NRXN3: variants seen among roughly 807,000 people sequenced by gnomAD.
The protein encoded by NRXN3 is neurexin 3, also known as neurexin III.
NRXN3 carries 32 observed loss-of-function variants against 137.6 expected under a neutral mutation model. The observed-to-expected ratio is 0.23, with a 90% CI of 0.18 to 0.31. The LOEUF (loss-of-function observed/expected upper bound fraction) is 0.31. NRXN3 is among the 10% of genes least tolerant of loss of function. NRXN3 has a pLI of 1.00. For missense variants in NRXN3, 1,574 were observed against 2,062.5 expected, an observed-to-expected ratio of 0.76 and a Z score of 4.59; for synonymous variants, 798 against 784.5, an observed-to-expected ratio of 1.02 and a Z score of -0.29.
chr14:78,766,403 T>C (rs1473426865), intron 8 of NRXN3, among the ~76,000 whole-genome samples: 3 of 152,198 alleles, frequency 2.0e-5, no homozygotes, highest in African/African-American at 7.2e-5. Context: ...CCAATTACAT[T>C]GCAAAAAATA....
At chr14:78,248,537 A>C (rs975669583) in intron 2 of NRXN3, among the ~76,000 whole-genome samples, 1 of 151,872 alleles carries the variant, frequency 6.6e-6, no homozygotes, top group Non-Finnish European at 1.5e-5. Flanking sequence ...GCATTTACTG[A>C]GGTCCAGAGA....
intron 4 of NRXN3, among the ~76,000 whole-genome samples, chr14:78,540,549 A>T (rs925153496): frequency 1.3e-5 from 2 of 150,886 alleles, no homozygotes; most frequent in Admixed American, 1.3e-4. Context: ...CAGCACACTG[A>T]TGGATCTTGA....
intron 10 of NRXN3, among the ~76,000 whole-genome samples, chr14:78,814,957 A>G (rs907080438): frequency 2.6e-5 from 4 of 152,222 alleles, no homozygotes; most frequent in Admixed American, 2.6e-4. Flanking sequence ...CAGTAAACAC[A>G]TATTAATGAA....
At chr14:79,142,674 A>T (rs73324798) in intron 15 of NRXN3, among the ~76,000 whole-genome samples, 6,729 of 152,216 alleles carry the variant, frequency 0.044, 538 homozygotes, top group African/African-American at 0.15. Context: ...CCATGACCAG[A>T]TGTATGACTT....
chr14:79,634,482 T>C (rs1161106892), intron 16 of NRXN3, among the ~76,000 whole-genome samples: 1 of 152,200 alleles, frequency 6.6e-6, no homozygotes, highest in Non-Finnish European at 1.5e-5. Flanking sequence ...GTCCTTTTTG[T>C]TTTTTGATAC....
chr14:79,716,694 A>G (rs1162256330), intron 19 of NRXN3, among the ~76,000 whole-genome samples: 2 of 152,096 alleles, frequency 1.3e-5, no homozygotes, highest in Admixed American at 1.3e-4. Flanking sequence ...AATGTGCCCA[A>G]TTCAATTCAC....
At chr14:78,691,772 G>C (rs2098172695) in intron 6 of NRXN3, among the ~76,000 whole-genome samples, 1 of 152,116 alleles carries the variant, frequency 6.6e-6, no homozygotes, top group Non-Finnish European at 1.5e-5. Flanking sequence ...TAGGCCAGAG[G>C]AGGAGGATGC....
intron 15 of NRXN3, among the ~76,000 whole-genome samples, chr14:79,079,436 T>C (rs1423059918): frequency 1.3e-5 from 2 of 152,178 alleles, no homozygotes; most frequent in East Asian, 3.9e-4. Flanking sequence ...CAAAAGTGTA[T>C]ATTCTATGGT....
intron 8 of NRXN3, among the ~76,000 whole-genome samples, chr14:78,739,133 A>G (rs996768014): frequency 6.6e-6 from 1 of 152,216 alleles, no homozygotes; most frequent in East Asian, 1.9e-4. Context: ...GGATTAACAC[A>G]GTAGATGCTG....
chr14:79,367,933 A>G (rs2093954835), intron 15 of NRXN3, among the ~76,000 whole-genome samples: 10 of 152,150 alleles, frequency 6.6e-5, no homozygotes. Context: ...TGACTCTTGG[A>G]GCTTCTGAAA....
intron 8 of NRXN3, among the ~76,000 whole-genome samples, chr14:78,750,830 C>T (rs1372866912): frequency 6.6e-6 from 1 of 152,148 alleles, no homozygotes; most frequent in Non-Finnish European, 1.5e-5. Context: ...GGCCAGAGGT[C>T]TCAGAGCTCA....
chr14:78,310,633 G>A (rs1420346524), intron 4 of NRXN3, among the ~76,000 whole-genome samples: 2 of 152,144 alleles, frequency 1.3e-5, no homozygotes, highest in South Asian at 2.1e-4. Context: ...AACTGAACCT[G>A]GAATACTAGA....
At chr14:78,406,695 T>C (rs149720474) in intron 4 of NRXN3, among the ~76,000 whole-genome samples, 197 of 152,280 alleles carry the variant, frequency 1.3e-3, no homozygotes, top group Non-Finnish European at 1.9e-3. Context: ...TTCCTGGGAA[T>C]AGATGTTTTG....
At chr14:79,273,563 G>A (rs997453889) in intron 15 of NRXN3, among the ~76,000 whole-genome samples, 1 of 152,132 alleles carries the variant, frequency 6.6e-6, no homozygotes, top group Non-Finnish European at 1.5e-5. Context: ...GAACCCAGGA[G>A]GCGCAGCTTG....
At chr14:79,419,740 C>A in intron 15 of NRXN3, among the ~76,000 whole-genome samples, 1 of 152,110 alleles carries the variant, frequency 6.6e-6, no homozygotes, top group South Asian at 2.1e-4. Context: ...GGACAAGTTA[C>A]CTCATTGACA....
intron 4 of NRXN3, among the ~76,000 whole-genome samples, chr14:78,477,340 A>G (rs2095398059): frequency 1.3e-5 from 2 of 152,240 alleles, no homozygotes; most frequent in East Asian, 1.9e-4. Context: ...ATGTATATGC[A>G]AAGATCAAGT....
At chr14:79,398,653 C>A (rs749320050) in intron 15 of NRXN3, among the ~76,000 whole-genome samples, 3 of 151,974 alleles carry the variant, frequency 2.0e-5, no homozygotes, top group Non-Finnish European at 2.9e-5. Context: ...GGAAATAGTG[C>A]TATCAAAGTA....
At chr14:79,365,871 A>G (rs566232796) in intron 15 of NRXN3, among the ~76,000 whole-genome samples, 65 of 151,986 alleles carry the variant, frequency 4.3e-4, no homozygotes, top group Non-Finnish European at 8.5e-4. Flanking sequence ...CGTATAATGT[A>G]TGTTAAAATT....
chr14:78,766,124 A>G (rs2098708267), intron 8 of NRXN3, among the ~76,000 whole-genome samples: 1 of 152,228 alleles, frequency 6.6e-6, no homozygotes, highest in African/African-American at 2.4e-5. Context: ...CCCCAGCTAA[A>G]GATGACATCT....
Sources: gnomAD v4.1 joint callset for allele counts (sites outside exome capture counted in the v4.1 genomes callset) on GRCh38, gnomAD v4.1.1 for gene constraint, MANE v1.5 for transcripts, NCBI Gene and HGNC (gene_info 2026-07-23, HGNC 2026-07-21) for gene names.